Variants in ARMH3 observed in about 807,000 individuals in gnomAD.
ARMH3 encodes the protein armadillo-like helical domain-containing protein 3.
In ARMH3, 60 loss-of-function variants were observed where a neutral mutation model predicts 99.1. That is an observed-to-expected ratio of 0.61 (90% CI 0.49 to 0.75). The LOEUF (loss-of-function observed/expected upper bound fraction) is 0.75. Ranked by LOEUF, ARMH3 falls within the 30% of genes least tolerant of loss-of-function variation. The pLI is 0.00. For missense variants in ARMH3, 679 were observed against 843.1 expected, an observed-to-expected ratio of 0.81 and a Z score of 2.41; for synonymous variants, 285 against 292.8, an observed-to-expected ratio of 0.97 and a Z score of 0.27.
In ARMH3 at chr10:102,010,016, C is replaced by T. The variant is rs1272586812; in HGVS notation, c.839G>A (p.Ser280Asn). 2 of 1,613,744 alleles carry T rather than the reference C, an allele frequency of 1.2e-6. No homozygotes were observed. Among genetic ancestry groups the T allele is most frequent in the African/African-American group, 2.7e-5 (2 of 74,904 alleles). The change falls in exon 12 of 26, where the codon AGC becomes AAC. Residue 280 changes from serine (S) to asparagine (N), a missense_variant. Ser to Asn is a conservative substitution (Grantham distance 46, BLOSUM62 1). This residue lies in a region of ARMH3 where 280 missense variants were observed against 354.6 expected (regional missense o/e 0.79). Transcript: ENST00000370033. The stretch of plus-strand genomic sequence containing the variant: ...CTCATGGGCATCTGCTATGAACATG[C>T]TGCCCACCTGTGGAAGAAAAGGGGA... ...FFSALTNMVG[S>N]MFIADAHEKI...
At chr10:101,884,941 A>C (rs965032206) in intron 24 of ARMH3, among the ~76,000 whole-genome samples, 1 of 152,240 alleles carries the variant, frequency 6.6e-6, no homozygotes, top group African/African-American at 2.4e-5. Flanking sequence ...TCCAGAATAT[A>C]TAAAGAATTC....
intron 1 of ARMH3, among the ~76,000 whole-genome samples, chr10:102,050,614 C>T (rs1027242836): frequency 6.6e-6 from 1 of 152,122 alleles, no homozygotes; most frequent in South Asian, 2.1e-4. Flanking sequence ...TCCCAACACT[C>T]TTGGAGGCCG....
At position 101,991,986 on chromosome 10, in the gene ARMH3, A is replaced by G. The variant is rs1002195720; in HGVS notation, c.1328T>C (p.Leu443Ser). The change falls in exon 18 of 26, where the codon TTA (leucine) becomes TCA (serine). Residue 443 changes from leucine (L) to serine (S), a missense_variant. By Grantham distance (145) the Leu-to-Ser change is moderately radical (BLOSUM62 -2). Around this residue, in one of 3 missense-constraint regions of ARMH3, gnomAD observed 389 missense variants for 456.5 expected, o/e 0.85. Transcript: ENST00000370033. ...TCACTCACCCAGTACTGCACATACT[A>G]AAGGACGGCAGGGAAGATTCTTGTC... ...AADKNLPCRP[L>S]VCAVLDLMVE... 1.2e-6 allele frequency: 2 copies of G among 1,614,056 alleles called. No homozygotes were observed. Among genetic ancestry groups the G allele is most frequent in the Non-Finnish European group, 1.7e-6 (2 of 1,179,904 alleles).
chr10:101,858,095 C>T (rs2135297427), intron 24 of ARMH3, among the ~76,000 whole-genome samples: 1 of 152,290 alleles, frequency 6.6e-6, no homozygotes, highest in Middle Eastern at 3.4e-3. Context: ...TTCTTCTTTC[C>T]CTAAAACCCA....
intron 22 of ARMH3, among the ~76,000 whole-genome samples, chr10:101,944,401 T>C (rs1388276804): frequency 6.8e-6 from 1 of 147,832 alleles, no homozygotes; most frequent in Non-Finnish European, 1.5e-5. Context: ...CCACATTTGA[T>C]GAAAACTAAA....
chr10:101,892,217 G>C (rs2067710279), intron 23 of ARMH3, among the ~76,000 whole-genome samples: 1 of 151,514 alleles, frequency 6.6e-6, no homozygotes, highest in South Asian at 2.1e-4. Flanking sequence ...GGCTAAGGTG[G>C]GCGGATTACT....
intron 19 of ARMH3, among the ~76,000 whole-genome samples, chr10:101,985,072 TATATATACACAC>T (rs1273820023): frequency 8.4e-4 from 113 of 134,864 alleles, no homozygotes; most frequent in Non-Finnish European, 1.2e-3. Context: ...CATCTAAAAA[TATATATACACAC>T]ACACACACAC....
At chr10:102,039,605 A>G (rs2067359768) in intron 2 of ARMH3, among the ~76,000 whole-genome samples, 1 of 152,226 alleles carries the variant, frequency 6.6e-6, no homozygotes, top group South Asian at 2.1e-4. Context: ...GAGATGGAAT[A>G]TAATAATGTA....
chr10:102,040,919 C>T (rs1020806667), intron 1 of ARMH3, among the ~76,000 whole-genome samples: 3 of 151,818 alleles, frequency 2.0e-5, no homozygotes, highest in African/African-American at 7.3e-5. Context: ...AAGTACTTGG[C>T]CTTTACTGCC....
At chr10:101,966,285 G>GTTTTT (rs34196495) in intron 20 of ARMH3, among the ~76,000 whole-genome samples, 2 of 80,626 alleles carry the variant, frequency 2.5e-5, no homozygotes, top group African/African-American at 5.6e-5. Context: ...TTTGGTTTGG[G>GTTTTT]TTTTTTTTTT....
intron 14 of ARMH3, among the ~76,000 whole-genome samples, chr10:102,005,238 C>A (rs978031873): frequency 6.6e-6 from 1 of 151,926 alleles, no homozygotes; most frequent in African/African-American, 2.4e-5. Context: ...CAAAAATTAG[C>A]CGGGCATTGT....
chr10:102,048,571 C>T (rs192336249), intron 1 of ARMH3, among the ~76,000 whole-genome samples: 5 of 152,098 alleles, frequency 3.3e-5, no homozygotes, highest in African/African-American at 1.2e-4. Context: ...GGACTACAGG[C>T]GCATGCCACC....
chr10:101,877,367 A>T (rs1199389463), intron 24 of ARMH3, among the ~76,000 whole-genome samples: 2 of 152,168 alleles, frequency 1.3e-5, no homozygotes, highest in Non-Finnish European at 2.9e-5. Flanking sequence ...TGTCTCAAAA[A>T]AAAATTTTTT....
In ARMH3 at chr10:102,021,581, T is replaced by A. The variant is rs978858683; in HGVS notation, c.669+1896A>T. Among the ~76,000 whole-genome samples, 9 of 150,470 alleles carry A rather than the reference T, an allele frequency of 6.0e-5. No individual in the cohort carries two copies. In the Admixed American group the frequency reaches 6.0e-4, roughly 10 times the overall value. The stretch of plus-strand genomic sequence containing the variant: ...TTTTTTTTTTGAGACGGAGTCTCGC[T>A]CTGTCACCTAGGCTGGAGTGCAGTG... On this transcript the variant is annotated intron_variant, in intron 8 of 25. Coordinates refer to ENST00000370033, the MANE Select transcript of ARMH3 (RefSeq NM_024541.3).
intron 1 of ARMH3, among the ~76,000 whole-genome samples, chr10:102,049,379 T>C (rs1408565746): frequency 6.6e-6 from 1 of 151,904 alleles, no homozygotes; most frequent in Non-Finnish European, 1.5e-5. Flanking sequence ...CCGTCTCTAC[T>C]AAAAATACAA....
Position 102,002,038 on chromosome 10 carries a change from A to T in ARMH3, c.1083T>A (p.Asp361Glu). 6.2e-7 allele frequency: 1 copy of T among 1,614,200 alleles called. No individual in the cohort carries two copies. The highest frequency in any genetic ancestry group is 8.5e-7 in the Non-Finnish European group (1 of 1,180,022). The change falls in exon 15 of 26, where the codon GAT (aspartate) becomes GAA (glutamate). Residue 361 changes from aspartate to glutamate, a missense_variant. Coordinates refer to ENST00000370033, the MANE Select transcript of ARMH3 (RefSeq NM_024541.3). The stretch of plus-strand genomic sequence containing the variant: ...TTATCAGTAGATTACTGGTCTGTAC[A>T]TCTGCATCCAGTGGGAGTTCCACAG... ...ISSVELPLDADVQTSNLLITF... is the reference protein window; with the variant it reads ...ISSVELPLDAEVQTSNLLITF...
intron 22 of ARMH3, among the ~76,000 whole-genome samples, chr10:101,951,855 G>A (rs1383359100): frequency 2.1e-5 from 3 of 141,610 alleles, no homozygotes; most frequent in African/African-American, 7.8e-5. Flanking sequence ...GCCACAGAGC[G>A]AGACTCCGTC....
At chr10:102,021,909 C>T (rs2066894959) in intron 8 of ARMH3, among the ~76,000 whole-genome samples, 2 of 152,066 alleles carry the variant, frequency 1.3e-5, no homozygotes, top group African/African-American at 4.8e-5. Flanking sequence ...AGACTGGTCT[C>T]AAATTCCTGG....
At chr10:101,985,181 AAT>A (rs202246930) in intron 19 of ARMH3, among the ~76,000 whole-genome samples, 1,509 of 147,892 alleles carry the variant, frequency 0.01, 15 homozygotes, top group African/African-American at 0.019. Flanking sequence ...CACATATATG[AAT>A]ATATATGTGT....
Sources: gnomAD v4.1 joint callset for allele counts (sites outside exome capture counted in the v4.1 genomes callset) on GRCh38, gnomAD v4.1.1 for gene constraint, gnomAD v4.1.1 regional missense constraint, MANE v1.5 for transcripts, NCBI Gene and HGNC (gene_info 2026-07-23, HGNC 2026-07-21) for gene names.